The following LOC400499 variants were observed in gnomAD, a reference collection of about 807,000 sequenced individuals.
the LOC400499 span, among the ~76,000 whole-genome samples, chr16:11,469,943 C>G: frequency 6.6e-6 from 1 of 150,648 alleles, no homozygotes; most frequent in Non-Finnish European, 1.5e-5. Flanking sequence ...GCTCTGTTGC[C>G]CAGGCTGGAG....
At chr16:11,478,284 TC>T in the LOC400499 span, among the ~76,000 whole-genome samples, 489 of 148,410 alleles carry the variant, frequency 3.3e-3, 2 homozygotes, top group Admixed American at 3.8e-3. Flanking sequence ...CGCCCCAGCC[TC>T]CCAAAGTGCT....
chr16:11,410,446 T>A, the LOC400499 span, among the ~76,000 whole-genome samples: 2 of 149,420 alleles, frequency 1.3e-5, no homozygotes, highest in African/African-American at 4.9e-5. Flanking sequence ...AAAGAGAGAC[T>A]GTGTCTCAAA....
chr16:11,503,638 G>A, the LOC400499 span, among the ~76,000 whole-genome samples: 44 of 152,310 alleles, frequency 2.9e-4, no homozygotes, highest in African/African-American at 8.7e-4. Context: ...CACGCAGCTC[G>A]ATCTCAGCAA....
At chr16:11,518,531 A>G in the LOC400499 span, among the ~76,000 whole-genome samples, 2 of 151,994 alleles carry the variant, frequency 1.3e-5, no homozygotes, top group Admixed American at 6.6e-5. Context: ...ACTCAACAAC[A>G]ATGCCCAAGG....
the LOC400499 span, chr16:11,412,992 T>C: frequency 2.3e-5 from 9 of 398,960 alleles, no homozygotes; most frequent in African/African-American, 1.2e-4. Context: ...TGGGTGTACA[T>C]AGCCTGAGGA....
chr16:11,488,329 T>C, the LOC400499 span, among the ~76,000 whole-genome samples: 1 of 151,842 alleles, frequency 6.6e-6, no homozygotes, highest in Admixed American at 6.6e-5. Flanking sequence ...CTGATATGAC[T>C]TCTGTCTTCC....
the LOC400499 span, among the ~76,000 whole-genome samples, chr16:11,484,461 A>G: frequency 1.3e-5 from 2 of 152,162 alleles, no homozygotes; most frequent in African/African-American, 4.8e-5. Context: ...CCGTGTGTCA[A>G]TTAGACCTCA....
At chr16:11,395,002 C>T in the LOC400499 span, among the ~76,000 whole-genome samples, 1 of 152,228 alleles carries the variant, frequency 6.6e-6, no homozygotes, top group African/African-American at 2.4e-5. Context: ...GCATGTCGAT[C>T]TCTGAGGAGA....
the LOC400499 span, chr16:11,462,507 G>A: frequency 3.5e-6 from 3 of 869,170 alleles, no homozygotes; most frequent in Non-Finnish European, 4.1e-6. Context: ...CTGGCTCGCT[G>A]CAACCTCCAC....
the LOC400499 span, chr16:11,440,859 C>T: frequency 3.4e-4 from 135 of 399,112 alleles, no homozygotes; most frequent in African/African-American, 2.7e-3. Flanking sequence ...AAGAAATAGA[C>T]AACACCCTTT....
the LOC400499 span, chr16:11,501,031 AC>A: frequency 2.5e-6 from 1 of 398,340 alleles, no homozygotes; most frequent in Non-Finnish European, 4.4e-6. Flanking sequence ...CACCGAAGTC[AC>A]CCGGGGGTAA....
At chr16:11,411,026 G>A in the LOC400499 span, among the ~76,000 whole-genome samples, 1 of 152,286 alleles carries the variant, frequency 6.6e-6, no homozygotes, top group Non-Finnish European at 1.5e-5. Context: ...AAGGGCTTGT[G>A]AGCCTGACTG....
the LOC400499 span, among the ~76,000 whole-genome samples, chr16:11,456,204 A>G: frequency 6.6e-6 from 1 of 151,878 alleles, no homozygotes; most frequent in Admixed American, 6.6e-5. Context: ...GCCACCACAC[A>G]TGGCTAATTT....
the LOC400499 span, among the ~76,000 whole-genome samples, chr16:11,428,960 G>A: frequency 0.11 from 17,282 of 152,144 alleles, 1,952 homozygotes; most frequent in African/African-American, 0.29. Context: ...AAGCCATCTC[G>A]TAGGGACTCC....
the LOC400499 span, among the ~76,000 whole-genome samples, chr16:11,473,723 C>G: frequency 6.6e-6 from 1 of 150,916 alleles, no homozygotes; most frequent in Non-Finnish European, 1.5e-5. Flanking sequence ...CCATTGCACT[C>G]CAGCCTGGGC....
the LOC400499 span, among the ~76,000 whole-genome samples, chr16:11,408,429 A>G: frequency 6.7e-6 from 1 of 150,028 alleles, no homozygotes; most frequent in Non-Finnish European, 1.5e-5. Context: ...CTTCCTGGAC[A>G]CTTCAAAATT....
chr16:11,506,997 T>C, the LOC400499 span, among the ~76,000 whole-genome samples: 6 of 152,150 alleles, frequency 3.9e-5, no homozygotes, highest in African/African-American at 1.4e-4. Flanking sequence ...AACTTCCTTT[T>C]TTTCAATGCT....
At chr16:11,513,418 A>AAATTT in the LOC400499 span, among the ~76,000 whole-genome samples, 354 of 151,392 alleles carry the variant, frequency 2.3e-3, 1 homozygote, top group African/African-American at 8.3e-3. Flanking sequence ...AAAAAAAAAA[A>AAATTT]ATTTAAAAAT....
chr16:11,478,014 A>C, the LOC400499 span: 1 of 398,686 alleles, frequency 2.5e-6, no homozygotes, highest in Admixed American at 4.4e-5. Flanking sequence ...CCCTGCAGCC[A>C]AGAAATGATA....
Sources: allele counts gnomAD v4.1 joint callset (sites outside exome capture counted in the v4.1 genomes callset), GRCh38; gene constraint gnomAD v4.1.1; transcripts MANE v1.5.